Variants in ALKBH1 observed in about 807,000 individuals in gnomAD.
ALKBH1 encodes nucleic acid dioxygenase ALKBH1.
In ALKBH1, 31 loss-of-function variants were observed where a neutral mutation model predicts 36.6. The ratio of observed to expected loss-of-function variants is 0.85; its 90% CI spans 0.64 to 1.14. The LOEUF is 1.14. ALKBH1 is among the 50% of genes most tolerant of loss of function. The pLI, the probability that ALKBH1 is intolerant of heterozygous loss-of-function variation, is 0.00. For missense variants in ALKBH1, 490 were observed against 497.3 expected (o/e 0.99, Z 0.14); for synonymous variants, 183 against 186.6 (o/e 0.98, Z 0.16).
intron 2 of ALKBH1, among the ~76,000 whole-genome samples, chr14:77,695,817 G>T (rs7492501): frequency 1.3e-5 from 2 of 152,096 alleles, no homozygotes; most frequent in East Asian, 3.8e-4. Flanking sequence ...ATAATAGGCC[G>T]GGCGTGGTGG....
chr14:77,702,458 T>C (rs2080364639), intron 2 of ALKBH1, among the ~76,000 whole-genome samples: 2 of 152,084 alleles, frequency 1.3e-5, no homozygotes, highest in South Asian at 4.2e-4. Flanking sequence ...AGTATTTCGG[T>C]GGTCATAACG....
chr14:77,681,450 G>T (rs2080237649), intron 3 of ALKBH1, among the ~76,000 whole-genome samples: 1 of 152,198 alleles, frequency 6.6e-6, no homozygotes, highest in Non-Finnish European at 1.5e-5. Context: ...GACCCACACT[G>T]TTCAGTGGCA....
intron 4 of ALKBH1, among the ~76,000 whole-genome samples, chr14:77,678,087 C>CAAAAAAAAAAAAA (rs11440428): frequency 1.8e-5 from 1 of 55,082 alleles, no homozygotes; most frequent in African/African-American, 7.5e-5. Flanking sequence ...ATATTATCAC[C>CAAAAAAAAAAAAA]AAAAAAAAAA....
chr14:77,685,647 T>C (rs1036648013), intron 3 of ALKBH1, among the ~76,000 whole-genome samples: 9 of 151,274 alleles, frequency 5.9e-5, no homozygotes, highest in Non-Finnish European at 1.2e-4. Flanking sequence ...GGCATGGTGG[T>C]GCACGCCTGT....
At chr14:77,698,557 T>C (rs556318110) in intron 2 of ALKBH1, among the ~76,000 whole-genome samples, 1 of 152,338 alleles carries the variant, frequency 6.6e-6, no homozygotes, top group Admixed American at 6.5e-5. Context: ...GCATCATATA[T>C]TAGTGTAATG....
intron 3 of ALKBH1, 25 bp from the exon 4 acceptor site, chr14:77,679,995 G>A (rs2080228122): frequency 6.3e-7 from 1 of 1,582,332 alleles, no homozygotes; most frequent in Non-Finnish European, 8.7e-7. Flanking sequence ...GACAAAAGAG[G>A]AATTATTCAT....
chr14:77,708,005 C>G lies in ALKBH1; in HGVS notation c.-1G>C. 6.2e-7 allele frequency: 1 copy of G among 1,609,214 alleles called. No individual in the cohort carries two copies. Among genetic ancestry groups the G allele is most frequent in the Non-Finnish European group, 8.5e-7 (1 of 1,176,846 alleles). On this transcript the variant is annotated 5_prime_UTR_variant, in exon 1 of 6. Transcript: ENST00000216489. ...CCACGGCCGCTGCCATCTTCCCCAT[C>G]TCGCGGCCTATACCCTCTGATCCGG...
rs1205461718 is a variant in ALKBH1, at chr14:77,672,417, CA to C, written c.*1394del. Reference sequence around the variant, plus strand: ...CTAGCTTACACATAAGAGATAAATCCATAATTTTTATTCATTTAAAAACCCT... The same window carrying C: ...CTAGCTTACACATAAGAGATAAATCCTAATTTTTATTCATTTAAAAACCCT... On this transcript the variant is annotated 3_prime_UTR_variant, in exon 6 of 6. Transcript: ENST00000216489. 1 of 152,034 alleles carries C rather than the reference CA, an allele frequency of 6.6e-6. No homozygotes were observed. Among genetic ancestry groups the C allele is most frequent in the Non-Finnish European group, 1.5e-5 (1 of 68,004 alleles). 9.4% of individuals were successfully genotyped at this position (152,034 alleles called of 1,614,324 possible).
chr14:77,687,703 CCT>C (rs10609149), intron 3 of ALKBH1, among the ~76,000 whole-genome samples: 27,166 of 151,910 alleles, frequency 0.18, 2,542 homozygotes, highest in East Asian at 0.25. Flanking sequence ...CCTGTCTTAG[CCT>C]CTAACAGCAT....
chr14:77,697,744 T>C (rs983086386), intron 2 of ALKBH1, among the ~76,000 whole-genome samples: 4 of 148,796 alleles, frequency 2.7e-5, no homozygotes, highest in African/African-American at 9.9e-5. Flanking sequence ...CATGGTGGCC[T>C]GGCCGATGCC....
chr14:77,699,036 G>C (rs1189114121), intron 2 of ALKBH1, among the ~76,000 whole-genome samples: 1 of 152,232 alleles, frequency 6.6e-6, no homozygotes, highest in African/African-American at 2.4e-5. Flanking sequence ...GCCTCCCAAA[G>C]TGCTGGGATT....
At chr14:77,693,679 T>C (rs2080310699) in intron 3 of ALKBH1, among the ~76,000 whole-genome samples, 1 of 152,064 alleles carries the variant, frequency 6.6e-6, no homozygotes, top group Non-Finnish European at 1.5e-5. Flanking sequence ...GAAAGGAGGA[T>C]AACCCAATAA....
chr14:77,693,268 G>C (rs1161757036), intron 3 of ALKBH1, among the ~76,000 whole-genome samples: 2 of 146,754 alleles, frequency 1.4e-5, no homozygotes, highest in Non-Finnish European at 3.0e-5. Context: ...GCCCAGGCTG[G>C]TAACTCCAGG....
intron 2 of ALKBH1, among the ~76,000 whole-genome samples, chr14:77,702,301 AAAAT>A (rs930093131): frequency 6.6e-6 from 1 of 152,112 alleles, no homozygotes; most frequent in African/African-American, 2.4e-5. Flanking sequence ...ACTCTGTCTC[AAAAT>A]AAATAAATAA....
At chr14:77,679,558 G>A (rs1488160072) in intron 4 of ALKBH1, among the ~76,000 whole-genome samples, 1 of 152,076 alleles carries the variant, frequency 6.6e-6, no homozygotes, top group East Asian at 1.9e-4. Flanking sequence ...AGCCTCTTGA[G>A]TAGCTGGGAC....
chr14:77,699,830 G>A (rs571268184), intron 2 of ALKBH1, among the ~76,000 whole-genome samples: 24 of 152,154 alleles, frequency 1.6e-4, no homozygotes, highest in African/African-American at 4.8e-4. Context: ...CAAGGAGGGC[G>A]GATCACGAGG....
intron 3 of ALKBH1, among the ~76,000 whole-genome samples, chr14:77,680,677 C>CTCTT (rs774703181): frequency 7.8e-4 from 97 of 124,300 alleles, no homozygotes; most frequent in South Asian, 1.3e-3. Context: ...ATTAACTACT[C>CTCTT]TTTTTTTTTT....
intron 2 of ALKBH1, among the ~76,000 whole-genome samples, chr14:77,700,042 A>T (rs990245854): frequency 3.3e-4 from 51 of 152,268 alleles, no homozygotes; most frequent in African/African-American, 1.0e-3. Context: ...GCGACAAGCA[A>T]GACTCTGTCT....
chr14:77,703,295 T>C (rs1016655342), intron 2 of ALKBH1, among the ~76,000 whole-genome samples: 11 of 151,100 alleles, frequency 7.3e-5, no homozygotes, highest in African/African-American at 2.7e-4. Context: ...TATTAGGACT[T>C]TCTTTTTTTT....
Sources: allele counts gnomAD v4.1 joint callset (sites outside exome capture counted in the v4.1 genomes callset), GRCh38; gene constraint gnomAD v4.1.1; transcripts MANE v1.5; gene names NCBI Gene and HGNC (gene_info 2026-07-23, HGNC 2026-07-21).